CALN1: variants seen among roughly 807,000 people sequenced by gnomAD.
The protein encoded by CALN1 is calcium-binding protein 8.
CALN1 carries 17 observed loss-of-function variants against 30.6 expected under a neutral mutation model. That is an observed-to-expected ratio of 0.56 (90% CI 0.38 to 0.83). The LOEUF (loss-of-function observed/expected upper bound fraction) is 0.83, where lower values mean the gene tolerates loss of function less well. CALN1 is among the 40% of genes least tolerant of loss of function. The pLI, the probability that CALN1 is intolerant of heterozygous loss-of-function variation, is 0.00. For synonymous variants in CALN1, 156 were observed against 131.4 expected (o/e 1.19, Z -1.28); for missense variants, 291 against 354.9 (o/e 0.82, Z 1.45).
intron 2 of CALN1, among the ~76,000 whole-genome samples, chr7:72,335,393 T>G (rs770533421): frequency 3.3e-5 from 5 of 152,228 alleles, no homozygotes; most frequent in Non-Finnish European, 7.3e-5. Flanking sequence ...GAGTTCTATG[T>G]GCACGAATGT....
At chr7:72,026,384 G>A (rs977464190) in intron 4 of CALN1, among the ~76,000 whole-genome samples, 5 of 152,048 alleles carry the variant, frequency 3.3e-5, no homozygotes, top group Non-Finnish European at 7.4e-5. Flanking sequence ...TCAGGAGTTC[G>A]AGACCAGTCT....
intron 5 of CALN1, among the ~76,000 whole-genome samples, chr7:71,887,703 G>A (rs1456888251): frequency 2.6e-5 from 4 of 152,132 alleles, no homozygotes; most frequent in Admixed American, 1.3e-4. Context: ...GGTCATCAAG[G>A]TGTGAATTGA....
chr7:72,442,073 A>G (rs1201069534), intron 1 of CALN1, among the ~76,000 whole-genome samples: 2 of 151,984 alleles, frequency 1.3e-5, no homozygotes, highest in South Asian at 2.1e-4. Flanking sequence ...CAACTCACCA[A>G]CCCATCAACA....
At chr7:71,867,832 G>A (rs1453769286) in intron 5 of CALN1, among the ~76,000 whole-genome samples, 1 of 152,176 alleles carries the variant, frequency 6.6e-6, no homozygotes, top group Non-Finnish European at 1.5e-5. Flanking sequence ...TCAGGGCTGT[G>A]AGAGTGAACA....
At chr7:72,201,169 T>G (rs931169455) in intron 3 of CALN1, among the ~76,000 whole-genome samples, 1 of 152,112 alleles carries the variant, frequency 6.6e-6, no homozygotes, top group Non-Finnish European at 1.5e-5. Context: ...GTGAATTAAC[T>G]CAGGAACAGA....
intron 2 of CALN1, among the ~76,000 whole-genome samples, chr7:72,366,214 C>A (rs1803869623): frequency 6.6e-6 from 1 of 151,856 alleles, no homozygotes; most frequent in Admixed American, 6.6e-5. Flanking sequence ...CACTCTTTCA[C>A]CCAGGCTGGA....
rs544572019 is a variant in CALN1 at position 71,963,649 on chromosome 7, T to C, written c.501+60008A>G. On this transcript the variant is annotated intron_variant, in intron 5 of 6. Transcript: ENST00000395275. Reference sequence around the variant, plus strand: ...TTTTTTTCTTATCGTCTCTCCTTGGTCCCCAAATTCCACTTTTTTTCCCTT... The same window carrying C: ...TTTTTTTCTTATCGTCTCTCCTTGGCCCCCAAATTCCACTTTTTTTCCCTT... Among the ~76,000 whole-genome samples, 9 of 152,298 alleles carry C rather than the reference T, an allele frequency of 5.9e-5. No individual in the cohort carries two copies. The East Asian group carries it at 1.5e-3, about 26-fold the overall frequency.
chr7:71,851,572 A>G (rs996671204), intron 5 of CALN1, among the ~76,000 whole-genome samples: 1 of 151,810 alleles, frequency 6.6e-6, no homozygotes, highest in African/African-American at 2.4e-5. Context: ...ATACACACAC[A>G]TATATATATT....
At chr7:71,971,949 A>AAAAAAAAG (rs1797834709) in intron 5 of CALN1, among the ~76,000 whole-genome samples, 1 of 81,036 alleles carries the variant, frequency 1.2e-5, no homozygotes, top group Non-Finnish European at 2.0e-5. Flanking sequence ...AAAAAAAAAA[A>AAAAAAAAG]AAAAAAAGAA....
At chr7:72,306,640 AAAAAAG>A (rs1392393236) in intron 2 of CALN1, among the ~76,000 whole-genome samples, 1 of 152,000 alleles carries the variant, frequency 6.6e-6, no homozygotes, top group African/African-American at 2.4e-5. Flanking sequence ...AAAGAAGAAA[AAAAAAG>A]AAAAGAAAAA....
chr7:71,798,782 C>T (rs1258440573), intron 6 of CALN1, among the ~76,000 whole-genome samples: 4 of 151,758 alleles, frequency 2.6e-5, no homozygotes, highest in Non-Finnish European at 4.4e-5. Flanking sequence ...CCACCATGAC[C>T]GACTAGCTTT....
At chr7:71,927,926 C>T (rs1053651791) in intron 5 of CALN1, among the ~76,000 whole-genome samples, 2 of 152,190 alleles carry the variant, frequency 1.3e-5, no homozygotes, top group African/African-American at 4.8e-5. Flanking sequence ...GGGTCAAACA[C>T]CCAGGAATGG....
intron 6 of CALN1, among the ~76,000 whole-genome samples, chr7:71,806,555 C>T (rs1461835814): frequency 6.6e-6 from 1 of 152,180 alleles, no homozygotes; most frequent in Non-Finnish European, 1.5e-5. Flanking sequence ...TATCCACCCG[C>T]CTTGCCCTCC....
chr7:72,323,872 C>T (rs1801078333), intron 2 of CALN1, among the ~76,000 whole-genome samples: 1 of 151,762 alleles, frequency 6.6e-6, no homozygotes, highest in African/African-American at 2.4e-5. Flanking sequence ...AGCGAAACCC[C>T]ATCTGTACAA....
At chr7:72,347,724 G>A (rs1562911209) in intron 2 of CALN1, among the ~76,000 whole-genome samples, 2 of 152,150 alleles carry the variant, frequency 1.3e-5, no homozygotes, top group Non-Finnish European at 2.9e-5. Flanking sequence ...AAAGAAAATA[G>A]CTATCCACTA....
intron 4 of CALN1, 68 bp downstream of exon 4, chr7:72,106,083 T>A: frequency 6.4e-7 from 1 of 1,565,132 alleles, no homozygotes; most frequent in Non-Finnish European, 8.7e-7. Context: ...AGGCCCTGCA[T>A]AAACCGAAGG....
rs930724424 is a variant in CALN1, at chr7:72,142,723, C to G, written c.245-36429G>C. Among the ~76,000 whole-genome samples the G allele has an allele frequency of 4.6e-5, 7 of 152,296 alleles. No homozygotes were observed. The East Asian group carries it at 9.7e-4, about 21-fold the overall frequency. ...CGAGTAGCCTAACTGGGAAGCACCC[C>G]CCAGTAGGGGCAGACTGACACCTCA... On this transcript the variant is annotated intron_variant, in intron 3 of 6. Transcript: ENST00000395275.
At chr7:72,199,649 G>C (rs1005961490) in intron 3 of CALN1, among the ~76,000 whole-genome samples, 2 of 152,104 alleles carry the variant, frequency 1.3e-5, no homozygotes, top group African/African-American at 4.8e-5. Flanking sequence ...CCAGGAGTTC[G>C]AGCCTGGGCA....
intron 2 of CALN1, among the ~76,000 whole-genome samples, chr7:72,391,412 C>A (rs180791191): frequency 6.6e-6 from 1 of 152,312 alleles, no homozygotes; most frequent in African/African-American, 2.4e-5. Context: ...TTTCACCCAG[C>A]AAGACACCAG....
Sources: gnomAD v4.1 joint callset for allele counts (sites outside exome capture counted in the v4.1 genomes callset) on GRCh38, gnomAD v4.1.1 for gene constraint, MANE v1.5 for transcripts, NCBI Gene and HGNC (gene_info 2026-07-23, HGNC 2026-07-21) for gene names.